Variants in DACH1 observed in about 807,000 individuals in gnomAD.
DACH1 encodes the protein dachshund homolog 1.
In DACH1, 12 loss-of-function variants were observed where a neutral mutation model predicts 54.2. The ratio of observed to expected loss-of-function variants is 0.22; its 90% confidence interval spans 0.14 to 0.36. The LOEUF is 0.36. Among genes scored for constraint, DACH1 ranks in the 10% least tolerant of loss-of-function variants. DACH1 has a pLI of 1.00. For synonymous variants in DACH1, 386 were observed against 366.2 expected, an observed-to-expected ratio of 1.05 and a Z score of -0.62; for missense variants, 805 against 929.8, an observed-to-expected ratio of 0.87 and a Z score of 1.75.
intron 6 of DACH1, among the ~76,000 whole-genome samples, chr13:71,493,777 C>A (rs908883261): frequency 1.3e-5 from 2 of 151,906 alleles, no homozygotes; most frequent in African/African-American, 4.8e-5. Context: ...AAGTGGGCTT[C>A]TCACCTATTA....
Position 71,833,300 on chromosome 13 carries a change from G to A in DACH1, c.848+32622C>T, listed in dbSNP as rs964204099. On this transcript the variant is annotated intron_variant, in intron 1 of 10. Coordinates refer to ENST00000613252, the MANE Select transcript of DACH1 (RefSeq NM_080759.6). ...ATACAGAGCTAGGTTATTTAAAGAG[G>A]CTCATGAAAGTCTCATAGTTTCATC... 2.0e-5 allele frequency among the ~76,000 whole-genome samples: 3 copies of A among 151,906 alleles called. No individual in the cohort carries two copies. The East Asian group carries it at 5.8e-4, about 29-fold the overall frequency.
chr13:71,579,244 C>CT (rs1885717528), intron 3 of DACH1, among the ~76,000 whole-genome samples: 1 of 152,042 alleles, frequency 6.6e-6, no homozygotes, highest in Non-Finnish European at 1.5e-5. Flanking sequence ...CTCATCAAAA[C>CT]TTTGTTAATT....
At chr13:71,692,646 C>T (rs1193180085) in intron 1 of DACH1, among the ~76,000 whole-genome samples, 5 of 149,348 alleles carry the variant, frequency 3.3e-5, no homozygotes, top group African/African-American at 7.4e-5. Context: ...CCTCAGCCTC[C>T]GAAGTAGTTG....
At chr13:71,463,710 C>T (rs1876310952) in intron 10 of DACH1, among the ~76,000 whole-genome samples, 1 of 151,908 alleles carries the variant, frequency 6.6e-6, no homozygotes, top group African/African-American at 2.4e-5. Context: ...CCTTAAATTG[C>T]TTTGGAAGTA....
intron 1 of DACH1, among the ~76,000 whole-genome samples, chr13:71,756,237 T>G (rs914830849): frequency 1.3e-5 from 2 of 151,632 alleles, no homozygotes; most frequent in Non-Finnish European, 2.9e-5. Flanking sequence ...TAGAGACAGG[T>G]TCTCACAGTG....
intron 6 of DACH1, among the ~76,000 whole-genome samples, chr13:71,512,337 T>A (rs1880841152): frequency 6.6e-6 from 1 of 151,884 alleles, no homozygotes; most frequent in African/African-American, 2.4e-5. Context: ...ACTATAAATT[T>A]CCCTTTGGTT....
chr13:71,453,633 T>C (rs1875280120), intron 10 of DACH1, among the ~76,000 whole-genome samples: 1 of 152,202 alleles, frequency 6.6e-6, no homozygotes, highest in Non-Finnish European at 1.5e-5. Flanking sequence ...ACTTTTTTTC[T>C]ATTTTCTCCA....
intron 3 of DACH1, among the ~76,000 whole-genome samples, chr13:71,605,550 T>G (rs1215375517): frequency 6.6e-6 from 1 of 151,898 alleles, no homozygotes; most frequent in East Asian, 1.9e-4. Context: ...AGTGTGAATA[T>G]TTATAATTGA....
In DACH1 at chr13:71,569,580, C is replaced by A. The variant is rs76779473; in HGVS notation, c.1299+3260G>T. Among the ~76,000 whole-genome samples the A allele has an allele frequency of 4.8e-3, 732 of 152,194 alleles. 5 individuals carry two copies. Among genetic ancestry groups the A allele is most frequent in the African/African-American group, 0.017 (693 of 41,534 alleles). ...AACGTTGGCAGCTTGGGGATTCAGA[C>A]CCTGCTCCATTTCATGTACTGGCAT... On this transcript the variant is annotated intron_variant, in intron 4 of 10. Coordinates refer to ENST00000613252, the MANE Select transcript of DACH1 (RefSeq NM_080759.6).
At chr13:71,592,224 A>G (rs1030883121) in intron 3 of DACH1, among the ~76,000 whole-genome samples, 1 of 152,110 alleles carries the variant, frequency 6.6e-6, no homozygotes, top group Non-Finnish European at 1.5e-5. Context: ...AAAAAGGAGA[A>G]TTAGGGGCTG....
intron 3 of DACH1, among the ~76,000 whole-genome samples, chr13:71,601,902 CT>C: frequency 6.6e-6 from 1 of 151,876 alleles, no homozygotes; most frequent in Non-Finnish European, 1.5e-5. Context: ...ATGCAATATT[CT>C]TTTATGTAAT....
chr13:71,635,508 T>C (rs563988363), intron 2 of DACH1, among the ~76,000 whole-genome samples: 12 of 152,172 alleles, frequency 7.9e-5, no homozygotes, highest in Non-Finnish European at 1.2e-4. Flanking sequence ...AACAAAAAAA[T>C]TCATGTAATA....
intron 1 of DACH1, among the ~76,000 whole-genome samples, chr13:71,852,920 T>C (rs1264904860): frequency 6.6e-6 from 1 of 152,188 alleles, no homozygotes; most frequent in Non-Finnish European, 1.5e-5. Flanking sequence ...AATTAGACAA[T>C]CTGGGTCTGG....
chr13:71,507,448 TA>T (rs1484690268), intron 6 of DACH1, among the ~76,000 whole-genome samples: 5 of 147,940 alleles, frequency 3.4e-5, no homozygotes, highest in African/African-American at 1.3e-4. Flanking sequence ...TTGTTAAATT[TA>T]ATCATAAATT....
intron 10 of DACH1, among the ~76,000 whole-genome samples, chr13:71,452,514 A>G (rs1566267536): frequency 6.6e-6 from 1 of 152,176 alleles, no homozygotes; most frequent in Non-Finnish European, 1.5e-5. Flanking sequence ...GATATTTATT[A>G]ATAACTAGTT....
chr13:71,572,724 A>G lies in DACH1; in HGVS notation c.1299+116T>C, dbSNP rs548413210. 20 of 1,135,442 alleles carry G rather than the reference A, an allele frequency of 1.8e-5. No homozygotes were observed. The East Asian group carries it at 4.7e-4, about 27-fold the overall frequency. 70.3% of individuals were successfully genotyped at this position (1,135,442 alleles called of 1,614,324 possible). A position where few individuals can be genotyped will look rare whatever the true frequency, so the allele number is the denominator to read the frequency against. The stretch of plus-strand genomic sequence containing the variant: ...TACAAGTGATTTTTTTTAATAGTCT[A>G]TTTACTATCACTTAGCTTTTTAGAG... On this transcript the variant is annotated intron_variant, in intron 4 of 10. Coordinates refer to ENST00000613252, the MANE Select transcript of DACH1 (RefSeq NM_080759.6).
At chr13:71,517,070 A>C (rs1881216501) in intron 6 of DACH1, among the ~76,000 whole-genome samples, 1 of 151,834 alleles carries the variant, frequency 6.6e-6, no homozygotes, top group African/African-American at 2.4e-5. Context: ...TTGTGTCTAC[A>C]AAGTTTCTCT....
intron 6 of DACH1, among the ~76,000 whole-genome samples, chr13:71,556,010 G>A (rs1884225892): frequency 6.6e-6 from 1 of 152,120 alleles, no homozygotes; most frequent in South Asian, 2.1e-4. Context: ...CTCTCTAAGG[G>A]ATTTAGCAGA....
chr13:71,845,615 G>A (rs538820029), intron 1 of DACH1, among the ~76,000 whole-genome samples: 65 of 152,148 alleles, frequency 4.3e-4, no homozygotes, highest in Non-Finnish European at 7.9e-4. Flanking sequence ...CCTACAGTAG[G>A]CTTTACAAGC....
Sources: allele counts gnomAD v4.1 joint callset (sites outside exome capture counted in the v4.1 genomes callset), GRCh38; gene constraint gnomAD v4.1.1; transcripts MANE v1.5; gene names NCBI Gene and HGNC (gene_info 2026-07-23, HGNC 2026-07-21).